PPME1: variants seen among roughly 807,000 people sequenced by gnomAD.
PPME1 encodes protein phosphatase methylesterase 1, also known as testicular secretory protein Li 39.
Under a neutral mutation model 56.9 loss-of-function variants are expected in PPME1, and 17 were observed. That is an observed-to-expected ratio of 0.30 (90% CI 0.20 to 0.45). PPME1 has a LOEUF of 0.45. Among genes scored for constraint, PPME1 ranks in the 20% least tolerant of loss-of-function variants. PPME1 has a pLI of 1.00. For synonymous variants in PPME1, 122 were observed against 156.2 expected (o/e 0.78, Z 1.63); for missense variants, 357 against 483.2 (o/e 0.74, Z 2.45).
intron 3 of PPME1, among the ~76,000 whole-genome samples, chr11:74,215,718 A>C (rs944718032): frequency 3.9e-5 from 6 of 152,204 alleles, no homozygotes; most frequent in Non-Finnish European, 5.9e-5. Context: ...GAGTGGCTGA[A>C]TGAATACAAA....
intron 13 of PPME1, 186 bp downstream of exon 13, chr11:74,251,901 T>A: frequency 1.2e-6 from 1 of 826,486 alleles, no homozygotes; most frequent in Non-Finnish European, 2.1e-6. Context: ...TGTTTCTTTG[T>A]GCTGTGCTCC....
At chr11:74,246,427 G>A (rs1859504748) in intron 10 of PPME1, among the ~76,000 whole-genome samples, 1 of 152,122 alleles carries the variant, frequency 6.6e-6, no homozygotes, top group Admixed American at 6.5e-5. Context: ...GAGCTCTCTG[G>A]TGTCTCTTCT....
intron 1 of PPME1, among the ~76,000 whole-genome samples, chr11:74,187,680 A>T (rs1857721582): frequency 6.6e-6 from 1 of 152,196 alleles, no homozygotes; most frequent in Admixed American, 6.5e-5. Context: ...TAGGTAATAT[A>T]CAAGTCCAAG....
intron 3 of PPME1, 93 bp downstream of exon 3, chr11:74,204,538 G>T (rs1372040485): frequency 9.0e-7 from 1 of 1,110,202 alleles, no homozygotes; most frequent in African/African-American, 1.5e-5. Context: ...CATTCTATTT[G>T]GGAAGCAGGA....
At chr11:74,188,292 A>G (rs1010281043) in intron 1 of PPME1, among the ~76,000 whole-genome samples, 9 of 151,446 alleles carry the variant, frequency 5.9e-5, no homozygotes, top group Admixed American at 1.3e-4. Flanking sequence ...GTTTCAAGCA[A>G]TTCTCTGCCT....
At chr11:74,245,988 CCCTTT>C (rs1173236056) in intron 9 of PPME1, 83 bp from the exon 10 acceptor site, 1 of 1,451,644 alleles carries the variant, frequency 6.9e-7, no homozygotes, top group Admixed American at 2.5e-5. Context: ...TAGTTTCCTT[CCCTTT>C]CCTTTTCCCA....
intron 3 of PPME1, among the ~76,000 whole-genome samples, chr11:74,216,558 C>T (rs1858649518): frequency 6.6e-6 from 1 of 152,020 alleles, no homozygotes; most frequent in South Asian, 2.1e-4. Flanking sequence ...CTCAAATAAC[C>T]AACCCAACGA....
intron 3 of PPME1, among the ~76,000 whole-genome samples, chr11:74,210,280 T>C (rs1467564072): frequency 6.6e-6 from 1 of 152,180 alleles, no homozygotes; most frequent in Non-Finnish European, 1.5e-5. Context: ...ATAATGTCCC[T>C]TCATGTTGAA....
Position 74,203,803 on chromosome 11 carries a change from G to T in PPME1, c.177G>T (p.Glu59Asp). The change falls in exon 2 of 14, where the codon GAG (glutamate) becomes GAT (aspartate). Residue 59 changes from glutamate to aspartate, a missense_variant. Glu to Asp is a conservative substitution (Grantham distance 45, BLOSUM62 2). Transcript: ENST00000328257. ...AGTCCATGGAAGATGTAGAAGTAGA[G>T]AATGAAACTGGCAAGGATATATCCT... ...YFESMEDVEVENETGKDTFRV... is the reference protein window; with the variant it reads ...YFESMEDVEVDNETGKDTFRV... 6.2e-7 allele frequency: 1 copy of T among 1,611,020 alleles called. No individual in the cohort carries two copies. Among genetic ancestry groups the T allele is most frequent in the Non-Finnish European group, 8.5e-7 (1 of 1,178,084 alleles).
At chr11:74,250,896 C>A in intron 11 of PPME1, 58 bp from the exon 12 acceptor site, 1 of 1,431,314 alleles carries the variant, frequency 7.0e-7, no homozygotes, top group Non-Finnish European at 9.7e-7. Flanking sequence ...ACCTATGAGG[C>A]TGCATAAGAG....
chr11:74,204,323 C>A, intron 2 of PPME1, 30 bp from the exon 3 acceptor site: 1 of 1,551,812 alleles, frequency 6.4e-7, no homozygotes, highest in East Asian at 2.3e-5. Context: ...TGAGCAAAAA[C>A]ATAGATGTTT....
Position 74,230,464 on chromosome 11 carries a change from T to G in PPME1, c.553+65T>G, listed in dbSNP as rs1859037629. On this transcript the variant is annotated intron_variant, in intron 6 of 13. Coordinates refer to ENST00000328257, the MANE Select transcript of PPME1 (RefSeq NM_016147.3). This position sits in a 1 kb window ranked among gnomAD's most constrained non-coding sequence, Gnocchi z 4.9. ...ATAAGAGACATCCTTGGTAGATTAT[T>G]ACCTTGTCTTAGTTTATTGTTGATT... 1 of 1,526,458 alleles carries G rather than the reference T, an allele frequency of 6.6e-7. No individual in the cohort carries two copies. Among genetic ancestry groups the G allele is most frequent in the African/African-American group, 1.4e-5 (1 of 72,674 alleles). The allele number at this position is 1,526,458 out of a possible 1,614,324, so 94.6% of individuals were successfully genotyped here.
At chr11:74,177,866 T>TC (rs1857438731) in intron 1 of PPME1, among the ~76,000 whole-genome samples, 1 of 152,238 alleles carries the variant, frequency 6.6e-6, no homozygotes, top group Non-Finnish European at 1.5e-5. Context: ...TTGACCTAAG[T>TC]TATATTCAAT....
At chr11:74,247,019 C>G in intron 10 of PPME1, 60 bp from the exon 11 acceptor site, 3 of 1,405,532 alleles carry the variant, frequency 2.1e-6, no homozygotes, top group Non-Finnish European at 3.0e-6. Context: ...CTTTGTAACA[C>G]TTTTTACTTA....
intron 3 of PPME1, 130 bp from the exon 4 acceptor site, chr11:74,222,182 C>A: frequency 1.4e-6 from 1 of 692,986 alleles, no homozygotes; most frequent in African/African-American, 1.8e-5. Flanking sequence ...TTGCTTAAAA[C>A]TAGAAAGTCT....
At chr11:74,222,650 A>T in intron 4 of PPME1, 1 of 356,790 alleles carries the variant, frequency 2.8e-6, no homozygotes, top group South Asian at 2.5e-5. Context: ...CACCATGCCC[A>T]GCTAATTTTT....
chr11:74,200,050 G>A (rs1381873599), intron 1 of PPME1, among the ~76,000 whole-genome samples: 3 of 152,206 alleles, frequency 2.0e-5, no homozygotes, highest in African/African-American at 7.2e-5. Context: ...TTATGCTTTT[G>A]AAAGTTCTTT....
intron 3 of PPME1, among the ~76,000 whole-genome samples, chr11:74,210,676 A>G (rs993690793): frequency 2.0e-5 from 3 of 152,158 alleles, no homozygotes; most frequent in Non-Finnish European, 4.4e-5. Flanking sequence ...TGCACCTGCC[A>G]GCTACCCTTA....
At chr11:74,207,226 T>C (rs955186713) in intron 3 of PPME1, among the ~76,000 whole-genome samples, 2 of 152,216 alleles carry the variant, frequency 1.3e-5, no homozygotes, top group African/African-American at 4.8e-5. Context: ...ACTGAAAGGA[T>C]TTAATTGTGA....
Sources: allele counts gnomAD v4.1 joint callset (sites outside exome capture counted in the v4.1 genomes callset), GRCh38; gene constraint gnomAD v4.1.1; non-coding constraint Gnocchi (gnomAD v3.1); transcripts MANE v1.5; gene names NCBI Gene and HGNC (gene_info 2026-07-23, HGNC 2026-07-21).